ATP10B: variants seen among roughly 807,000 people sequenced by gnomAD.
The protein encoded by ATP10B is ATPase phospholipid transporting 10B (putative), also known as phospholipid-transporting ATPase VB.
ATP10B carries 122 observed loss-of-function variants against 141.2 expected under a neutral mutation model. The ratio of observed to expected loss-of-function variants is 0.86; its 90% CI spans 0.75 to 1.00. The LOEUF (loss-of-function observed/expected upper bound fraction) is 1.00, where lower values mean the gene tolerates loss of function less well. ATP10B is among the 50% of genes least tolerant of loss of function. The pLI is 0.00. For missense variants in ATP10B, 1,876 were observed against 1,825.3 expected (o/e 1.03, Z -0.51); for synonymous variants, 685 against 692.0 (o/e 0.99, Z 0.16).
At chr5:160,612,639 C>T (rs1757778425) in intron 18 of ATP10B, 102 bp downstream of exon 18, 1 of 1,055,404 alleles carries the variant, frequency 9.5e-7, no homozygotes, top group Non-Finnish European at 1.4e-6. Flanking sequence ...TTGGGTGCTT[C>T]CCTGGTGTAC....
intron 22 of ATP10B, among the ~76,000 whole-genome samples, chr5:160,592,767 G>A (rs1041835401): frequency 2.0e-5 from 3 of 152,248 alleles, no homozygotes; most frequent in Non-Finnish European, 4.4e-5. Flanking sequence ...ATTATATCCT[G>A]CACATGGCTT....
At position 160,652,565 on chromosome 5, in the gene ATP10B, C is replaced by A. The variant is rs1382611576; in HGVS notation, c.676-3309G>T. Among the ~76,000 whole-genome samples the A allele has an allele frequency of 6.9e-5, 10 of 144,898 alleles. 1 individual carries two copies. Among genetic ancestry groups the A allele is most frequent in the African/African-American group, 2.6e-4 (10 of 38,502 alleles). ...CCTCGACTTCCCGGGTTCAAACAAT[C>A]TTCCCACCTCAGCCTCCTGAGTAGC... is the stretch of plus-strand genomic sequence containing the variant. On this transcript the variant is annotated intron_variant, in intron 7 of 25. Transcript: ENST00000327245.
At chr5:160,777,659 C>T (rs149505828) in intron 2 of ATP10B, among the ~76,000 whole-genome samples, 3 of 152,296 alleles carry the variant, frequency 2.0e-5, no homozygotes, top group East Asian at 1.9e-4. Flanking sequence ...AACCTGGCTC[C>T]AGCAGTGACT....
At chr5:160,653,977 C>T (rs1165561689) in intron 7 of ATP10B, among the ~76,000 whole-genome samples, 10 of 126,488 alleles carry the variant, frequency 7.9e-5, no homozygotes, top group African/African-American at 3.2e-4. Context: ...TACGTATATA[C>T]ATATATAAAT....
intron 8 of ATP10B, among the ~76,000 whole-genome samples, chr5:160,647,166 G>T (rs970630794): frequency 7.9e-5 from 12 of 152,092 alleles, no homozygotes; most frequent in Non-Finnish European, 1.5e-4. Flanking sequence ...ATCATTGAAA[G>T]CTGTTGATCT....
intron 2 of ATP10B, among the ~76,000 whole-genome samples, chr5:160,775,767 G>A (rs549925190): frequency 2.1e-5 from 3 of 142,954 alleles, no homozygotes; most frequent in Admixed American, 7.6e-5. Context: ...TGCAAGCTCC[G>A]CCTCCTGGGT....
chr5:160,801,118 T>C (rs1398637648), intron 1 of ATP10B, among the ~76,000 whole-genome samples: 1 of 152,156 alleles, frequency 6.6e-6, no homozygotes, highest in African/African-American at 2.4e-5. Context: ...AGGAATCCAC[T>C]AACGATGTAT....
the ATP10B span, among the ~76,000 whole-genome samples, chr5:160,878,202 A>G: frequency 6.6e-6 from 1 of 151,092 alleles, no homozygotes; most frequent in East Asian, 2.0e-4. Flanking sequence ...TCAATGGAAC[A>G]GAACAGAGCC....
intron 1 of ATP10B, among the ~76,000 whole-genome samples, chr5:160,807,512 CTTTT>C (rs113889021): frequency 6.6e-6 from 1 of 151,992 alleles, no homozygotes; most frequent in East Asian, 1.9e-4. Flanking sequence ...CAATTGGATA[CTTTT>C]TTTAAGCACA....
At chr5:160,667,550 A>C (rs532248934) in intron 7 of ATP10B, among the ~76,000 whole-genome samples, 11 of 152,214 alleles carry the variant, frequency 7.2e-5, no homozygotes, top group Non-Finnish European at 8.8e-5. Context: ...GGAAAGCTTC[A>C]AGCTCAAATA....
At chr5:160,882,245 A>G in the ATP10B span, among the ~76,000 whole-genome samples, 2 of 152,252 alleles carry the variant, frequency 1.3e-5, no homozygotes, top group East Asian at 3.9e-4. Context: ...TCCTAATGTA[A>G]AACGTAGAGT....
chr5:160,774,287 A>G (rs1770120886), intron 2 of ATP10B, among the ~76,000 whole-genome samples: 1 of 152,212 alleles, frequency 6.6e-6, no homozygotes, highest in South Asian at 2.1e-4. Flanking sequence ...GGCTGTGCAA[A>G]GCAGCCTCCA....
chr5:160,911,585 T>C, the ATP10B span, among the ~76,000 whole-genome samples: 1 of 152,228 alleles, frequency 6.6e-6, no homozygotes, highest in Non-Finnish European at 1.5e-5. Context: ...ATCAGGCATA[T>C]TGAAACTTTA....
intron 6 of ATP10B, among the ~76,000 whole-genome samples, chr5:160,681,082 C>A (rs1045689859): frequency 1.3e-5 from 2 of 152,112 alleles, no homozygotes; most frequent in African/African-American, 4.8e-5. Flanking sequence ...CACCCTCCTA[C>A]CTCAGGACAC....
intron 6 of ATP10B, among the ~76,000 whole-genome samples, chr5:160,684,065 C>T (rs1163714427): frequency 6.6e-6 from 1 of 152,204 alleles, no homozygotes. Flanking sequence ...AATATTGCAT[C>T]TCTGTGCTTA....
chr5:160,799,572 T>C (rs1446326890), intron 1 of ATP10B, among the ~76,000 whole-genome samples: 1 of 152,192 alleles, frequency 6.6e-6, no homozygotes, highest in East Asian at 1.9e-4. Flanking sequence ...CGAGAGAGCA[T>C]GTTTCTTCTA....
chr5:160,722,714 C>T (rs1766070863), intron 2 of ATP10B, among the ~76,000 whole-genome samples: 1 of 152,196 alleles, frequency 6.6e-6, no homozygotes, highest in Non-Finnish European at 1.5e-5. Flanking sequence ...CACTCTTCAC[C>T]CTGACAAGGG....
chr5:160,777,735 A>G (rs1380525906), intron 2 of ATP10B, among the ~76,000 whole-genome samples: 1 of 152,226 alleles, frequency 6.6e-6, no homozygotes, highest in Non-Finnish European at 1.5e-5. Context: ...GTATTTTTCG[A>G]AACAATTCTC....
chr5:160,632,025 A>T (rs1429005199), intron 13 of ATP10B, 104 bp downstream of exon 13: 1 of 1,031,984 alleles, frequency 9.7e-7, no homozygotes, highest in Non-Finnish European at 1.4e-6. Flanking sequence ...ACCATTTTGA[A>T]AGCTCTTCAG....
Sources: allele counts gnomAD v4.1 joint callset (sites outside exome capture counted in the v4.1 genomes callset), GRCh38; gene constraint gnomAD v4.1.1; transcripts MANE v1.5; gene names NCBI Gene and HGNC (gene_info 2026-07-23, HGNC 2026-07-21).